ZFHX3: variants seen among roughly 807,000 people sequenced by gnomAD.
ZFHX3 encodes the protein zinc finger homeobox protein 3.
Under a neutral mutation model 279.1 loss-of-function variants are expected in ZFHX3, and 42 were observed. The observed-to-expected ratio is 0.15, with a 90% CI of 0.12 to 0.19. ZFHX3 has a LOEUF of 0.19. Among genes scored for constraint, ZFHX3 ranks in the 10% least tolerant of loss-of-function variants. The probability of loss-of-function intolerance (pLI) is 1.00; values close to 1 mark genes in which losing one functional copy is unlikely to be tolerated. For missense variants in ZFHX3, 4,981 were observed against 4,754.0 expected (o/e 1.05, Z -1.40); for synonymous variants, 2,293 against 1,957.8 (o/e 1.17, Z -4.52).
intron 1 of ZFHX3, among the ~76,000 whole-genome samples, chr16:73,737,736 G>A (rs1156246808): frequency 2.6e-5 from 4 of 151,732 alleles, no homozygotes; most frequent in Non-Finnish European, 4.4e-5. Flanking sequence ...TCAGGGATAC[G>A]GGAGCTATTT....
At chr16:73,570,380 T>C (rs13339318) in intron 2 of ZFHX3, among the ~76,000 whole-genome samples, 22,558 of 152,240 alleles carry the variant, frequency 0.15, 1,825 homozygotes, top group African/African-American at 0.21. Context: ...ACAATAAACA[T>C]GTTTCTTAAG....
At chr16:73,091,058 A>G (rs1310064841) in intron 8 of ZFHX3, among the ~76,000 whole-genome samples, 4 of 151,982 alleles carry the variant, frequency 2.6e-5, no homozygotes, top group Admixed American at 1.3e-4. Context: ...AAAAATACAA[A>G]AAATTAACCA....
intron 2 of ZFHX3, among the ~76,000 whole-genome samples, chr16:73,469,421 C>A (rs1005367374): frequency 2.0e-5 from 3 of 152,046 alleles, no homozygotes; most frequent in Non-Finnish European, 2.9e-5. Context: ...GTGTGCAGGG[C>A]AGAACAGAGC....
At chr16:73,105,249 A>G (rs1966280442) in intron 7 of ZFHX3, among the ~76,000 whole-genome samples, 1 of 149,618 alleles carries the variant, frequency 6.7e-6, no homozygotes, top group African/African-American at 2.5e-5. Flanking sequence ...CTAATTTTAT[A>G]TATATATATA....
intron 1 of ZFHX3, among the ~76,000 whole-genome samples, chr16:73,806,659 G>A (rs1175365543): frequency 6.6e-6 from 1 of 152,146 alleles, no homozygotes; most frequent in Non-Finnish European, 1.5e-5. Flanking sequence ...AGGTCTCAAG[G>A]CCTCCCCACT....
At position 72,788,642 on chromosome 16, in the gene ZFHX3, G is replaced by C. The variant is rs570446390; in HGVS notation, c.9634C>G (p.Pro3212Ala). ...GGTGGCGGCTGGGCTGCTGGCGGCG[G>C]GGGAGGCTGCTGCACCTGTGGTTGC... is the stretch of plus-strand genomic sequence containing the variant. ...QQQPQVQQPP[P>A]PPAAQPPPTP... Residue 3212 changes from proline to alanine, a missense_variant, in exon 10 of 10, where the codon CCG becomes GCG. This residue lies in a region of ZFHX3 where 1,034 missense variants were observed against 786.0 expected (regional missense o/e 1.32). Coordinates refer to ENST00000268489, the MANE Select transcript of ZFHX3 (RefSeq NM_006885.4). The C allele has an allele frequency of 6.2e-7, 1 of 1,613,416 alleles. No individual in the cohort carries two copies. Among genetic ancestry groups the C allele is most frequent in the Non-Finnish European group, 8.5e-7 (1 of 1,179,784 alleles).
intron 2 of ZFHX3, among the ~76,000 whole-genome samples, chr16:73,546,336 G>T (rs2020107472): frequency 6.6e-6 from 1 of 152,132 alleles, no homozygotes; most frequent in Non-Finnish European, 1.5e-5. Context: ...CTGGGAAGCT[G>T]CGTTGGAGGC....
chr16:72,875,097 C>A (rs138531939), intron 4 of ZFHX3, among the ~76,000 whole-genome samples: 5 of 152,312 alleles, frequency 3.3e-5, no homozygotes, highest in African/African-American at 1.2e-4. Context: ...GTGTTTGTTC[C>A]GTTTTAGTGC....
intron 1 of ZFHX3, among the ~76,000 whole-genome samples, chr16:73,814,821 G>C (rs536091048): frequency 6.6e-6 from 1 of 152,182 alleles, no homozygotes; most frequent in South Asian, 2.1e-4. Context: ...GCCCACCTCG[G>C]CCTCCCAAAG....
At chr16:73,488,422 G>A (rs188331177) in intron 2 of ZFHX3, among the ~76,000 whole-genome samples, 1 of 152,182 alleles carries the variant, frequency 6.6e-6, no homozygotes, top group Admixed American at 6.5e-5. Flanking sequence ...GCCCACATCA[G>A]CAGGGACCTC....
At chr16:73,407,958 T>C (rs979935946) in intron 3 of ZFHX3, among the ~76,000 whole-genome samples, 1 of 150,642 alleles carries the variant, frequency 6.6e-6, no homozygotes, top group Non-Finnish European at 1.5e-5. Flanking sequence ...AAACAGCAGT[T>C]GGGGAAGTGC....
intron 1 of ZFHX3, among the ~76,000 whole-genome samples, chr16:73,032,379 A>AGAC (rs1178118836): frequency 2.6e-5 from 4 of 152,236 alleles, no homozygotes; most frequent in Non-Finnish European, 5.9e-5. Context: ...GACCACAGTC[A>AGAC]TACAAGGCAT....
intron 1 of ZFHX3, among the ~76,000 whole-genome samples, chr16:73,728,770 C>T (rs570490804): frequency 8.6e-4 from 131 of 151,556 alleles, no homozygotes; most frequent in Admixed American, 3.3e-3. Flanking sequence ...ACACTGCCCT[C>T]GTAGCACATA....
chr16:72,876,201 A>G (rs1434336705), intron 4 of ZFHX3, among the ~76,000 whole-genome samples: 4 of 152,170 alleles, frequency 2.6e-5, no homozygotes. Context: ...CAAATATTTC[A>G]TTGAGATGGT....
intron 5 of ZFHX3, among the ~76,000 whole-genome samples, chr16:73,165,342 A>G (rs1967336398): frequency 6.6e-6 from 1 of 152,174 alleles, no homozygotes; most frequent in Admixed American, 6.5e-5. Context: ...GACTCCAAGG[A>G]GGTCTTGTAC....
chr16:73,455,355 A>G (rs938387331), intron 3 of ZFHX3, among the ~76,000 whole-genome samples: 3 of 152,220 alleles, frequency 2.0e-5, no homozygotes, highest in Non-Finnish European at 2.9e-5. Flanking sequence ...AGTGCATCAT[A>G]GGAACATGCA....
intron 2 of ZFHX3, among the ~76,000 whole-genome samples, chr16:73,458,416 C>T (rs2018413296): frequency 6.8e-6 from 1 of 146,576 alleles, no homozygotes; most frequent in Admixed American, 6.9e-5. Context: ...TACTCAATTG[C>T]CCAGGCTGGA....
rs770703902 is a variant in ZFHX3, at chr16:72,958,455, G to C, written c.1691C>G (p.Ala564Gly). The C allele has an allele frequency of 1.2e-6, 2 of 1,614,066 alleles. No homozygotes were observed. Among genetic ancestry groups the C allele is most frequent in the South Asian group, 2.2e-5 (2 of 91,088 alleles). The change falls in exon 2 of 10, where the codon GCG becomes GGG. Residue 564 changes from alanine (A) to glycine (G), a missense_variant. Around this residue, in one of 7 missense-constraint regions of ZFHX3, gnomAD observed 1,068 missense variants for 935.2 expected, o/e 1.14. Transcript: ENST00000268489. ...SASSFVVFDG[A>G]NRRNRLSFNS... ...AAAGCTTAAACGATTCCTCCTGTTC[G>C]CACCATCAAAGACAACAAAGGAAGA...
At chr16:73,668,496 C>T (rs972735103) in intron 2 of ZFHX3, among the ~76,000 whole-genome samples, 1 of 152,024 alleles carries the variant, frequency 6.6e-6, no homozygotes, top group African/African-American at 2.4e-5. Context: ...TGATATTCCC[C>T]TCCCTGTGTC....
Sources: allele counts gnomAD v4.1 joint callset (sites outside exome capture counted in the v4.1 genomes callset), GRCh38; gene constraint gnomAD v4.1.1; regional missense constraint gnomAD v4.1.1; transcripts MANE v1.5; gene names NCBI Gene and HGNC (gene_info 2026-07-23, HGNC 2026-07-21).